The following STAP1 variants were observed in gnomAD, a reference collection of about 807,000 sequenced individuals.
STAP1 encodes signal-transducing adaptor protein 1.
STAP1 carries 30 observed loss-of-function variants against 37.8 expected under a neutral mutation model. That is an observed-to-expected ratio of 0.79 (90% confidence interval 0.59 to 1.08). The LOEUF is 1.08. Ranked by LOEUF, STAP1 falls within the 50% of genes least tolerant of loss-of-function variation. The probability of loss-of-function intolerance (pLI) is 0.00; values close to 1 mark genes in which losing one functional copy is unlikely to be tolerated. For synonymous variants in STAP1, 130 were observed against 116.0 expected, an observed-to-expected ratio of 1.12 and a Z score of -0.78; for missense variants, 357 against 349.4, an observed-to-expected ratio of 1.02 and a Z score of -0.17.
At chr4:67,575,523 G>T (rs762661197) in intron 3 of STAP1, 25 bp downstream of exon 3, 1 of 1,509,992 alleles carries the variant, frequency 6.6e-7, no homozygotes, top group Non-Finnish European at 9.1e-7. Flanking sequence ...ACAGTAGTCT[G>T]TAAAGGGTTG....
chr4:67,596,421 T>A lies in STAP1; in HGVS notation c.826+3065T>A, dbSNP rs117218547. 7.2e-4 allele frequency among the ~76,000 whole-genome samples: 110 copies of A among 152,214 alleles called. 1 individual carries two copies. In the East Asian group the frequency reaches 0.021, roughly 29 times the overall value. ...GTGTGAAAATGGACTAATACAAGAA[T>A]TGGTATTGGCAGAGTCGGGTCCTGC... On this transcript the variant is annotated intron_variant, in intron 8 of 8. Coordinates refer to ENST00000265404, the MANE Select transcript of STAP1 (RefSeq NM_012108.4).
At position 67,606,831 on chromosome 4, in the gene STAP1, C is replaced by G. The variant is rs1339629344; in HGVS notation, c.*474C>G. On this transcript the variant is annotated 3_prime_UTR_variant, in exon 9 of 9. Coordinates refer to ENST00000265404, the MANE Select transcript of STAP1 (RefSeq NM_012108.4). ...AGACATGAAATGTACTAGAGGAGCCCTTTTCCAATGGAAATATTATATACC... is the reference window on the plus strand; with the variant it reads ...AGACATGAAATGTACTAGAGGAGCCGTTTTCCAATGGAAATATTATATACC... 6.6e-6 allele frequency: 1 copy of G among 152,296 alleles called. No homozygotes were observed. The highest frequency in any genetic ancestry group is 6.5e-5 in the Admixed American group (1 of 15,270). 9.4% of individuals were successfully genotyped at this position (152,296 alleles called of 1,614,324 possible). A position where few individuals can be genotyped will look rare whatever the true frequency, so the allele number is the denominator to read the frequency against.
intron 8 of STAP1, among the ~76,000 whole-genome samples, chr4:67,597,098 T>C (rs1396604233): frequency 2.0e-5 from 3 of 152,182 alleles, no homozygotes; most frequent in Non-Finnish European, 4.4e-5. Flanking sequence ...AAAAATAGTT[T>C]TGTGGGCTGG....
At chr4:67,560,359 G>A (rs1727306070) in intron 1 of STAP1, among the ~76,000 whole-genome samples, 2 of 152,106 alleles carry the variant, frequency 1.3e-5, no homozygotes, top group African/African-American at 4.8e-5. Context: ...TACATTCTAG[G>A]ATTCAGTAGG....
intron 1 of STAP1, 97 bp from the exon 2 acceptor site, chr4:67,570,987 T>C: frequency 1.0e-6 from 1 of 954,774 alleles, no homozygotes. Context: ...ACTTCTTATA[T>C]CACACAAGCA....
chr4:67,593,851 A>G (rs1728171176), intron 8 of STAP1, among the ~76,000 whole-genome samples: 1 of 152,254 alleles, frequency 6.6e-6, no homozygotes, highest in Non-Finnish European at 1.5e-5. Context: ...TTGCAAAATA[A>G]CAAGGAATGA....
At chr4:67,575,996 A>T (rs894645780) in intron 3 of STAP1, among the ~76,000 whole-genome samples, 3 of 152,212 alleles carry the variant, frequency 2.0e-5, no homozygotes, top group African/African-American at 4.8e-5. Context: ...AGCTCCCCGG[A>T]TGATTTGCAG....
rs1450671955 is a variant in STAP1 at position 67,607,322 on chromosome 4, A to T, written c.*965A>T. 3 of 152,132 alleles carry T rather than the reference A, an allele frequency of 2.0e-5. No homozygotes were observed. Among genetic ancestry groups the T allele is most frequent in the Admixed American group, 6.5e-5 (1 of 15,274 alleles). The allele number at this position is 152,132 out of a possible 1,614,324, so 9.4% of individuals were successfully genotyped here. A position where few individuals can be genotyped will look rare whatever the true frequency, so the allele number is the denominator to read the frequency against. On this transcript the variant is annotated 3_prime_UTR_variant, in exon 9 of 9. Coordinates refer to ENST00000265404, the MANE Select transcript of STAP1 (RefSeq NM_012108.4). Reference sequence around the variant, plus strand: ...CGGCTTCTTGACTTGTGAGAAAATAAATTTGTGTTCCTTAATCCACATGGT... The same window carrying T: ...CGGCTTCTTGACTTGTGAGAAAATATATTTGTGTTCCTTAATCCACATGGT...
At chr4:67,586,410 T>C (rs1727980579) in intron 6 of STAP1, among the ~76,000 whole-genome samples, 1 of 152,130 alleles carries the variant, frequency 6.6e-6, no homozygotes, top group Non-Finnish European at 1.5e-5. Flanking sequence ...TGAGCTGATA[T>C]TGCACCACTG....
At chr4:67,584,928 G>T (rs913230851) in intron 6 of STAP1, among the ~76,000 whole-genome samples, 11 of 152,186 alleles carry the variant, frequency 7.2e-5, no homozygotes, top group African/African-American at 1.7e-4. Context: ...CTTTGTCAAG[G>T]TTACTAATTT....
At chr4:67,565,412 A>G (rs114978073) in intron 1 of STAP1, among the ~76,000 whole-genome samples, 8,390 of 152,254 alleles carry the variant, frequency 0.055, 401 homozygotes, top group Admixed American at 0.17. Flanking sequence ...CCTCCTTCTC[A>G]TACATATTAC....
At chr4:67,590,618 CT>C (rs1390765679) in intron 6 of STAP1, among the ~76,000 whole-genome samples, 1 of 151,858 alleles carries the variant, frequency 6.6e-6, no homozygotes, top group Non-Finnish European at 1.5e-5. Flanking sequence ...TTCTTGATTC[CT>C]TTTTTCCTGT....
intron 3 of STAP1, 126 bp from the exon 4 acceptor site, chr4:67,577,077 T>C (rs773192082): frequency 1.0e-4 from 69 of 683,744 alleles, no homozygotes; most frequent in Non-Finnish European, 1.6e-4. Flanking sequence ...AAAATACACA[T>C]TAGTAGTTCT....
rs1553903381 is a variant in STAP1 at position 67,606,984 on chromosome 4, G to GT, written c.*628dup. The GT allele has an allele frequency of 6.6e-6, 1 of 152,092 alleles. No homozygotes were observed. The allele number at this position is 152,092 out of a possible 1,614,324, so 9.4% of individuals were successfully genotyped here. ...TGAAAGGCTGTATCATCATCTTGTC[G>GT]TAAGTACGATGAGCCTGATTATAAG... On this transcript the variant is annotated 3_prime_UTR_variant, in exon 9 of 9. Coordinates refer to ENST00000265404, the MANE Select transcript of STAP1 (RefSeq NM_012108.4).
chr4:67,568,446 A>C (rs1727522284), intron 1 of STAP1, among the ~76,000 whole-genome samples: 1 of 152,234 alleles, frequency 6.6e-6, no homozygotes, highest in Admixed American at 6.5e-5. Context: ...ATATGAAAGT[A>C]AATCTTTAGA....
At chr4:67,568,350 C>T (rs1727519139) in intron 1 of STAP1, among the ~76,000 whole-genome samples, 2 of 152,038 alleles carry the variant, frequency 1.3e-5, no homozygotes, top group African/African-American at 4.8e-5. Flanking sequence ...AAAACATCAG[C>T]TTATCAAACC....
At chr4:67,566,946 G>A (rs1439020798) in intron 1 of STAP1, among the ~76,000 whole-genome samples, 1 of 152,014 alleles carries the variant, frequency 6.6e-6, no homozygotes, top group African/African-American at 2.4e-5. Context: ...ACTCTAGCCT[G>A]GGCCACAGAG....
At chr4:67,600,366 G>T (rs1157028251) in intron 8 of STAP1, among the ~76,000 whole-genome samples, 1 of 152,006 alleles carries the variant, frequency 6.6e-6, no homozygotes, top group Non-Finnish European at 1.5e-5. Flanking sequence ...TGGAGATGAT[G>T]CTTGATATTA....
At chr4:67,598,971 A>G (rs1286825563) in intron 8 of STAP1, among the ~76,000 whole-genome samples, 1 of 152,220 alleles carries the variant, frequency 6.6e-6, no homozygotes, top group Non-Finnish European at 1.5e-5. Context: ...AATTGAAATG[A>G]TCATATAACT....
Sources: gnomAD v4.1 joint callset for allele counts (sites outside exome capture counted in the v4.1 genomes callset) on GRCh38, gnomAD v4.1.1 for gene constraint, MANE v1.5 for transcripts, NCBI Gene and HGNC (gene_info 2026-07-23, HGNC 2026-07-21) for gene names.